ACMSD: variants seen among roughly 807,000 people sequenced by gnomAD.
ACMSD encodes the protein 2-amino-3-carboxymuconate-6-semialdehyde decarboxylase.
Under a neutral mutation model 45.9 loss-of-function variants are expected in ACMSD, and 37 were observed. The ratio of observed to expected loss-of-function variants is 0.81; its 90% CI spans 0.62 to 1.06. The LOEUF is 1.06. Among genes scored for constraint, ACMSD ranks in the 50% least tolerant of loss-of-function variants. ACMSD has a pLI of 0.00. For missense variants in ACMSD, 434 were observed against 420.9 expected (o/e 1.03, Z -0.27); for synonymous variants, 138 against 148.8 (o/e 0.93, Z 0.53).
intron 8 of ACMSD, among the ~76,000 whole-genome samples, chr2:134,884,576 G>A (rs1689219178): frequency 6.6e-6 from 1 of 152,094 alleles, no homozygotes; most frequent in Non-Finnish European, 1.5e-5. Flanking sequence ...TAGAAATAAG[G>A]ACAAATGAAC....
intron 5 of ACMSD, among the ~76,000 whole-genome samples, chr2:134,865,409 T>A (rs901107706): frequency 6.6e-6 from 1 of 152,214 alleles, no homozygotes; most frequent in African/African-American, 2.4e-5. Context: ...TTTGGGTTTA[T>A]GAATTACTAA....
chr2:134,863,605 G>A lies in ACMSD; in HGVS notation c.460G>A (p.Ala154Thr), dbSNP rs771862935. 37 of 1,614,056 alleles carry A rather than the reference G, an allele frequency of 2.3e-5. No individual in the cohort carries two copies. The highest frequency in any genetic ancestry group is 8.0e-5 in the African/African-American group (6 of 74,936). Residue 154 changes from alanine to threonine, a missense_variant, in exon 5 of 10, where the codon GCG becomes ACG. Ala to Thr is a moderately conservative substitution (Grantham distance 58). Coordinates refer to ENST00000356140, the MANE Select transcript of ACMSD (RefSeq NM_138326.3). Reference protein sequence around the residue: ...GTHVNEWDLNAQELFPVYAAA... With the variant: ...GTHVNEWDLNTQELFPVYAAA... Reference sequence around the variant, plus strand: ...CCACGTCAACGAGTGGGACCTGAACGCGCAGGAGCTCTTTCCTGTCTATGC... The same window carrying A: ...CCACGTCAACGAGTGGGACCTGAACACGCAGGAGCTCTTTCCTGTCTATGC...
In ACMSD at chr2:134,838,880, T is replaced by A. The variant is rs1686655183; in HGVS notation, c.57+141T>A. 5.7e-6 allele frequency: 3 copies of A among 526,640 alleles called. No homozygotes were observed. The Admixed American group carries it at 1.1e-4, about 19-fold the overall frequency. 32.6% of individuals were successfully genotyped at this position (526,640 alleles called of 1,614,324 possible). On this transcript the variant is annotated intron_variant, in intron 1 of 9. Transcript: ENST00000356140. ...GGTTAAATCATTTGGTAGTTCTGAT[T>A]TTCTAGCTTTTAAAAATGACTTTTA...
chr2:134,860,656 G>T (rs1032987869), intron 3 of ACMSD, among the ~76,000 whole-genome samples: 2 of 152,038 alleles, frequency 1.3e-5, no homozygotes, highest in East Asian at 3.8e-4. Context: ...AAAGTGAGTA[G>T]GTGGTCTCCA....
At chr2:134,885,372 TATATA>T (rs1403489309) in intron 8 of ACMSD, among the ~76,000 whole-genome samples, 2 of 107,594 alleles carry the variant, frequency 1.9e-5, no homozygotes, top group African/African-American at 7.4e-5. Flanking sequence ...ATATATATTA[TATATA>T]ATATATATGT....
intron 8 of ACMSD, among the ~76,000 whole-genome samples, chr2:134,885,094 G>A (rs1345603766): frequency 5.3e-5 from 8 of 150,226 alleles, no homozygotes; most frequent in African/African-American, 1.7e-4. Context: ...TACTTGGGAG[G>A]ATGAGGTGAG....
chr2:134,843,319 T>C (rs182447537), intron 1 of ACMSD, among the ~76,000 whole-genome samples: 3 of 152,296 alleles, frequency 2.0e-5, no homozygotes, highest in East Asian at 3.9e-4. Context: ...TCTGCTGATG[T>C]CACTGGGGAA....
intron 8 of ACMSD, among the ~76,000 whole-genome samples, chr2:134,891,913 T>G (rs1457090856): frequency 6.6e-6 from 1 of 152,176 alleles, no homozygotes; most frequent in Non-Finnish European, 1.5e-5. Flanking sequence ...AAGTATGAAA[T>G]CATGTCTTTT....
intron 8 of ACMSD, among the ~76,000 whole-genome samples, chr2:134,880,652 T>C (rs530642393): frequency 1.3e-5 from 2 of 152,284 alleles, no homozygotes; most frequent in South Asian, 2.1e-4. Context: ...CTTATCTCTC[T>C]GAATATAGTA....
At chr2:134,843,935 T>A (rs953551080) in intron 1 of ACMSD, among the ~76,000 whole-genome samples, 1 of 152,210 alleles carries the variant, frequency 6.6e-6, no homozygotes, top group Non-Finnish European at 1.5e-5. Flanking sequence ...ACAGTCACAG[T>A]GCGTCTCACA....
At chr2:134,859,464 CTG>C (rs1397630067) in intron 3 of ACMSD, 107 bp downstream of exon 3, 18 of 1,040,900 alleles carry the variant, frequency 1.7e-5, no homozygotes, top group Non-Finnish European at 2.6e-5. Context: ...CCCCTTTTCT[CTG>C]CCAGGACAGG....
At chr2:134,856,699 C>T (rs907935495) in intron 2 of ACMSD, among the ~76,000 whole-genome samples, 1 of 152,044 alleles carries the variant, frequency 6.6e-6, no homozygotes, top group Admixed American at 6.6e-5. Context: ...CCATTGAGTT[C>T]TTTGAGTTCC....
At chr2:134,870,177 A>G (rs2104879240) in intron 6 of ACMSD, among the ~76,000 whole-genome samples, 1 of 152,346 alleles carries the variant, frequency 6.6e-6, no homozygotes, top group East Asian at 1.9e-4. Context: ...TGGTCTGAAA[A>G]GCAGTCAATG....
chr2:134,862,160 T>A, intron 4 of ACMSD, 142 bp downstream of exon 4: 1 of 894,760 alleles, frequency 1.1e-6, no homozygotes, highest in Non-Finnish European at 1.9e-6. Context: ...ATCAGCAGGG[T>A]CCCCTCTCAG....
chr2:134,849,218 G>A (rs1234414763), intron 2 of ACMSD, among the ~76,000 whole-genome samples: 2 of 151,708 alleles, frequency 1.3e-5, no homozygotes, highest in Non-Finnish European at 2.9e-5. Context: ...AAACTTAGTA[G>A]CCAAATCTCC....
At position 134,896,962 on chromosome 2, in the gene ACMSD, G is replaced by T. The variant is rs182980491; in HGVS notation, c.850-1379G>T. Among the ~76,000 whole-genome samples, 458 of 152,224 alleles carry T rather than the reference G, an allele frequency of 3.0e-3. 1 individual carries two copies. The highest frequency in any genetic ancestry group is 9.7e-3 in the African/African-American group (404 of 41,530). Reference sequence around the variant, plus strand: ...AGGGCTGGAGGGAGAAAAGAATGGGGAGTCACTGCTAATGGGTACAGGGTT... The same window carrying T: ...AGGGCTGGAGGGAGAAAAGAATGGGTAGTCACTGCTAATGGGTACAGGGTT... On this transcript the variant is annotated intron_variant, in intron 8 of 9. Transcript: ENST00000356140.
intron 2 of ACMSD, among the ~76,000 whole-genome samples, chr2:134,850,660 T>TATTATC (rs1553509409): frequency 2.6e-5 from 4 of 151,870 alleles, no homozygotes; most frequent in African/African-American, 9.7e-5. Context: ...AAGAATAATT[T>TATTATC]ATTATTATTA....
chr2:134,874,123 A>C (rs779772896), intron 8 of ACMSD, among the ~76,000 whole-genome samples: 1 of 152,208 alleles, frequency 6.6e-6, no homozygotes, highest in Non-Finnish European at 1.5e-5. Context: ...AAGAGGAAAA[A>C]TATGGCAAAT....
intron 8 of ACMSD, among the ~76,000 whole-genome samples, chr2:134,880,818 T>C (rs1422032961): frequency 6.6e-6 from 1 of 152,216 alleles, no homozygotes; most frequent in African/African-American, 2.4e-5. Context: ...CTTGGAGTTG[T>C]TAGGGCAAGA....
Sources: gnomAD v4.1 joint callset for allele counts (sites outside exome capture counted in the v4.1 genomes callset) on GRCh38, gnomAD v4.1.1 for gene constraint, MANE v1.5 for transcripts, NCBI Gene and HGNC (gene_info 2026-07-23, HGNC 2026-07-21) for gene names.